ABCC4: variants seen among roughly 807,000 people sequenced by gnomAD.
ABCC4 encodes ATP-binding cassette sub-family C member 4.
Under a neutral mutation model 168.5 loss-of-function variants are expected in ABCC4, and 102 were observed. The observed-to-expected ratio is 0.61, with a 90% CI of 0.52 to 0.71. ABCC4 has a LOEUF of 0.71. Ranked by LOEUF, ABCC4 falls within the 30% of genes least tolerant of loss-of-function variation. The probability of loss-of-function intolerance (pLI) is 0.00; values close to 1 mark genes in which losing one functional copy is unlikely to be tolerated. For missense variants in ABCC4, 1,402 were observed against 1,605.8 expected (o/e 0.87, Z 2.17); for synonymous variants, 617 against 590.7 (o/e 1.04, Z -0.65).
At chr13:95,242,677 G>A (rs558823199) in intron 3 of ABCC4, among the ~76,000 whole-genome samples, 18 of 152,142 alleles carry the variant, frequency 1.2e-4, no homozygotes, top group Non-Finnish European at 2.4e-4. Context: ...AAGCCACCAT[G>A]CCTGGCCAAT....
chr13:95,247,805 A>C (rs2040147223), intron 1 of ABCC4, 52 bp from the exon 2 acceptor site: 1 of 1,439,130 alleles, frequency 6.9e-7, no homozygotes, highest in African/African-American at 1.4e-5. Flanking sequence ...TCCGTGTTTA[A>C]GTAGACTCCT....
rs2038798985 is a variant in ABCC4, at chr13:95,206,900, G to T, written c.912-119C>A. Reference sequence around the variant, plus strand: ...ATGAATTGTTTGAACCCAGGAGTTTGAGACCATCCTGGGCAACAACAACAA... The same window carrying T: ...ATGAATTGTTTGAACCCAGGAGTTTTAGACCATCCTGGGCAACAACAACAA... On this transcript the variant is annotated intron_variant, in intron 7 of 30. Transcript: ENST00000645237. 3.3e-6 allele frequency: 4 copies of T among 1,216,272 alleles called. No homozygotes were observed. In the South Asian group the frequency reaches 4.2e-5, roughly 13 times the overall value. 75.3% of individuals were successfully genotyped at this position (1,216,272 alleles called of 1,614,324 possible).
At chr13:95,145,264 T>C (rs1469642279) in intron 19 of ABCC4, among the ~76,000 whole-genome samples, 1 of 151,978 alleles carries the variant, frequency 6.6e-6, no homozygotes, top group Non-Finnish European at 1.5e-5. Flanking sequence ...AAAACTACCA[T>C]CCAACCTAGC....
At chr13:95,217,756 A>G (rs2039163073) in intron 4 of ABCC4, among the ~76,000 whole-genome samples, 2 of 152,034 alleles carry the variant, frequency 1.3e-5, no homozygotes, top group South Asian at 4.2e-4. Flanking sequence ...AAATAAAACA[A>G]AAGATGCAAA....
Position 95,186,865 on chromosome 13 carries a change from C to G in ABCC4, c.1381G>C (p.Glu461Gln). 1.2e-6 allele frequency: 2 copies of G among 1,613,280 alleles called. No homozygotes were observed. The highest frequency in any genetic ancestry group is 4.5e-5 in the East Asian group (2 of 44,866). Reference sequence around the variant, plus strand: ...ACCAGCCCGTGACTTGGGGCCAATTCCCCGAGCACGGCACTTAACAGTGAT... The same window carrying G: ...ACCAGCCCGTGACTTGGGGCCAATTGCCCGAGCACGGCACTTAACAGTGAT... Reference protein sequence around the residue: ...KSSLLSAVLGELAPSHGLVSV... With the variant: ...KSSLLSAVLGQLAPSHGLVSV... The change falls in exon 11 of 31, where the codon GAA becomes CAA. Residue 461 changes from glutamate (E) to glutamine (Q), a missense_variant. Around this residue, in one of 3 missense-constraint regions of ABCC4, gnomAD observed 1,007 missense variants for 1,127.3 expected, o/e 0.89. Transcript: ENST00000645237.
chr13:95,038,918 T>C (rs529513907), intron 29 of ABCC4, among the ~76,000 whole-genome samples: 16 of 152,008 alleles, frequency 1.1e-4, no homozygotes, highest in Non-Finnish European at 2.1e-4. Flanking sequence ...GAGGACCACA[T>C]GCCTCAAGTT....
intron 26 of ABCC4, among the ~76,000 whole-genome samples, 181 bp from the exon 27 acceptor site, chr13:95,053,365 C>T (rs1226304657): frequency 6.6e-6 from 1 of 152,188 alleles, no homozygotes; most frequent in Non-Finnish European, 1.5e-5. Context: ...AAAGCGTGCT[C>T]CAAAATACCT....
intron 1 of ABCC4, among the ~76,000 whole-genome samples, chr13:95,300,604 A>G (rs2041649997): frequency 6.6e-6 from 1 of 152,318 alleles, no homozygotes; most frequent in East Asian, 1.9e-4. Context: ...GGTCACTGAG[A>G]CAAAAGATAC....
intron 1 of ABCC4, among the ~76,000 whole-genome samples, chr13:95,290,103 AATAGATAGATAG>A (rs72443922): frequency 2.5e-4 from 28 of 113,700 alleles, no homozygotes; most frequent in African/African-American, 4.1e-4. Flanking sequence ...TCTCAAAAAA[AATAGATAGATAG>A]ATAGATAGAT....
intron 13 of ABCC4, among the ~76,000 whole-genome samples, chr13:95,172,588 A>AAG (rs1555325847): frequency 6.6e-6 from 1 of 151,220 alleles, no homozygotes. Context: ...AAAAAAAAAA[A>AAG]GACAACATTA....
At chr13:95,300,691 G>A (rs1479153650) in intron 1 of ABCC4, among the ~76,000 whole-genome samples, 1 of 152,138 alleles carries the variant, frequency 6.6e-6, no homozygotes, top group Non-Finnish European at 1.5e-5. Flanking sequence ...ATCGGAAGGG[G>A]TGGGGACACT....
At chr13:95,275,592 A>C (rs1261024163) in intron 1 of ABCC4, among the ~76,000 whole-genome samples, 1 of 131,992 alleles carries the variant, frequency 7.6e-6, no homozygotes, top group Non-Finnish European at 1.7e-5. Flanking sequence ...TTATAGGAAA[A>C]TGTTTAGGAC....
At chr13:95,140,156 C>T (rs4148509) in intron 19 of ABCC4, among the ~76,000 whole-genome samples, 29,900 of 152,130 alleles carry the variant, frequency 0.2, 3,885 homozygotes, top group African/African-American at 0.37. Context: ...GAAGTTTCAG[C>T]GCTAGCCCAG....
At chr13:95,213,030 G>A (rs1317531845) in intron 4 of ABCC4, among the ~76,000 whole-genome samples, 1 of 152,054 alleles carries the variant, frequency 6.6e-6, no homozygotes. Context: ...AGGAGGCTGA[G>A]GCAGGAGAAT....
At chr13:95,266,823 ATC>A (rs1400723334) in intron 1 of ABCC4, among the ~76,000 whole-genome samples, 1 of 127,298 alleles carries the variant, frequency 7.9e-6, no homozygotes, top group African/African-American at 3.7e-5. Flanking sequence ...CCCTACTCAA[ATC>A]TCTTTTTTTT....
At chr13:95,173,591 T>C (rs1350034358) in intron 13 of ABCC4, among the ~76,000 whole-genome samples, 1 of 152,178 alleles carries the variant, frequency 6.6e-6, no homozygotes, top group Non-Finnish European at 1.5e-5. Flanking sequence ...GGAGGACTGG[T>C]CTTGCATGGC....
intron 1 of ABCC4, among the ~76,000 whole-genome samples, chr13:95,255,829 A>G (rs755788620): frequency 1.6e-4 from 25 of 152,022 alleles, no homozygotes; most frequent in African/African-American, 5.1e-4. Context: ...GAGATTTCCT[A>G]CTACGGAGCT....
At chr13:95,231,510 G>C (rs888235582) in intron 4 of ABCC4, among the ~76,000 whole-genome samples, 2 of 152,182 alleles carry the variant, frequency 1.3e-5, no homozygotes, top group African/African-American at 4.8e-5. Flanking sequence ...GGCCTCAGTG[G>C]AAACTGCCAG....
chr13:95,162,998 T>C, intron 18 of ABCC4, 124 bp downstream of exon 18: 1 of 693,938 alleles, frequency 1.4e-6, no homozygotes, highest in African/African-American at 1.9e-5. Flanking sequence ...ACAGAGTAAA[T>C]TCGACTGAGA....
Sources: allele counts gnomAD v4.1 joint callset (sites outside exome capture counted in the v4.1 genomes callset), GRCh38; gene constraint gnomAD v4.1.1; regional missense constraint gnomAD v4.1.1; transcripts MANE v1.5; gene names NCBI Gene and HGNC (gene_info 2026-07-23, HGNC 2026-07-21).